Variants in SUMF1 observed in about 807,000 individuals in gnomAD.
SUMF1 encodes formylglycine-generating enzyme.
SUMF1 carries 48 observed loss-of-function variants against 47.6 expected under a neutral mutation model. The ratio of observed to expected loss-of-function variants is 1.01; its 90% CI spans 0.80 to 1.28. The LOEUF (loss-of-function observed/expected upper bound fraction) is 1.28, where lower values mean the gene tolerates loss of function less well. Among genes scored for constraint, SUMF1 ranks in the 50% most tolerant of loss-of-function variants. The pLI is 0.00. For missense variants in SUMF1, 571 were observed against 485.4 expected (o/e 1.18, Z -1.66); for synonymous variants, 230 against 192.1 (o/e 1.20, Z -1.63).
intron 3 of SUMF1, among the ~76,000 whole-genome samples, chr3:4,434,168 G>A (rs1486450450): frequency 2.6e-5 from 4 of 152,168 alleles, no homozygotes; most frequent in African/African-American, 7.2e-5. Flanking sequence ...TGTTTATAAT[G>A]ATGAAAAAGT....
chr3:4,054,436 C>G (rs898949733), intron 9 of SUMF1, among the ~76,000 whole-genome samples: 5 of 152,160 alleles, frequency 3.3e-5, no homozygotes, highest in African/African-American at 7.2e-5. Flanking sequence ...CAATCCACCA[C>G]CTTGTCAAAT....
chr3:4,272,623 A>T (rs549657125), intron 8 of SUMF1, among the ~76,000 whole-genome samples: 2 of 152,232 alleles, frequency 1.3e-5, no homozygotes, highest in Non-Finnish European at 2.9e-5. Flanking sequence ...TGTCTGCTAC[A>T]TAATTATTCT....
At chr3:4,073,993 T>A (rs1009086228) in intron 8 of SUMF1, among the ~76,000 whole-genome samples, 1 of 152,148 alleles carries the variant, frequency 6.6e-6, no homozygotes, top group Non-Finnish European at 1.5e-5. Flanking sequence ...GCGGACCTAA[T>A]AGACATCTAC....
At chr3:4,159,580 C>T (rs1270010189) in intron 8 of SUMF1, among the ~76,000 whole-genome samples, 1 of 151,910 alleles carries the variant, frequency 6.6e-6, no homozygotes, top group Non-Finnish European at 1.5e-5. Flanking sequence ...ATAGTTCATA[C>T]ACCACAATTA....
At chr3:4,411,355 G>A (rs1291040811) in intron 6 of SUMF1, among the ~76,000 whole-genome samples, 1 of 152,118 alleles carries the variant, frequency 6.6e-6, no homozygotes, top group East Asian at 1.9e-4. Context: ...GACCCAATAT[G>A]AGTCTTGTCA....
At chr3:4,352,752 A>G (rs1699530651) in intron 8 of SUMF1, among the ~76,000 whole-genome samples, 1 of 142,212 alleles carries the variant, frequency 7.0e-6, no homozygotes, top group Non-Finnish European at 1.5e-5. Context: ...AAAAAAAAAA[A>G]AAGGGTGACA....
chr3:4,369,716 C>T (rs1700111705), intron 8 of SUMF1, among the ~76,000 whole-genome samples: 1 of 152,104 alleles, frequency 6.6e-6, no homozygotes, highest in East Asian at 1.9e-4. Context: ...GTTCCTAGGC[C>T]ATACATCCAG....
chr3:4,215,784 T>C (rs910307358), intron 8 of SUMF1, among the ~76,000 whole-genome samples: 3 of 152,094 alleles, frequency 2.0e-5, no homozygotes, highest in Non-Finnish European at 4.4e-5. Context: ...TCAATTCCCG[T>C]TCACAATTGC....
chr3:4,139,555 CTT>C (rs61537834), intron 8 of SUMF1, among the ~76,000 whole-genome samples: 58,073 of 150,042 alleles, frequency 0.39, 12,295 homozygotes, highest in Non-Finnish European at 0.49. Context: ...GTATAATAAA[CTT>C]ATATATATGC....
intron 8 of SUMF1, among the ~76,000 whole-genome samples, chr3:4,192,690 G>A (rs1695345379): frequency 6.6e-6 from 1 of 152,070 alleles, no homozygotes; most frequent in African/African-American, 2.4e-5. Context: ...AACTCAGGAT[G>A]GGTCAAAGAA....
At chr3:4,330,952 G>T (rs1046286179) in intron 8 of SUMF1, among the ~76,000 whole-genome samples, 2 of 152,038 alleles carry the variant, frequency 1.3e-5, no homozygotes, top group East Asian at 3.8e-4. Context: ...GTAAAACTCT[G>T]TTATTCCAAT....
intron 7 of SUMF1, among the ~76,000 whole-genome samples, chr3:4,410,636 T>G (rs1195425645): frequency 1.3e-5 from 2 of 152,222 alleles, no homozygotes; most frequent in African/African-American, 4.8e-5. Context: ...TTTCCTCAAA[T>G]AGTTATCACC....
chr3:4,328,637 T>A (rs1002280620), intron 8 of SUMF1, among the ~76,000 whole-genome samples: 1 of 152,084 alleles, frequency 6.6e-6, no homozygotes, highest in Non-Finnish European at 1.5e-5. Context: ...ACATTGGGAT[T>A]ATTATAATTC....
intron 8 of SUMF1, among the ~76,000 whole-genome samples, chr3:4,159,166 T>C (rs1694518513): frequency 6.6e-6 from 1 of 151,352 alleles, no homozygotes; most frequent in Non-Finnish European, 1.5e-5. Context: ...TTCAGATGAC[T>C]TACTCCCGTC....
chr3:4,303,189 G>A (rs1698015905), intron 8 of SUMF1: 2 of 539,164 alleles, frequency 3.7e-6, no homozygotes, highest in African/African-American at 2.0e-5. Context: ...TGGTGCCTCT[G>A]GCTGAAATCA....
chr3:4,172,194 G>C (rs1694846399), intron 8 of SUMF1, among the ~76,000 whole-genome samples: 1 of 152,160 alleles, frequency 6.6e-6, no homozygotes, highest in Non-Finnish European at 1.5e-5. Flanking sequence ...ATACATAGAA[G>C]TTGATTGAAC....
intron 8 of SUMF1, among the ~76,000 whole-genome samples, chr3:4,217,126 G>A (rs1388804270): frequency 2.6e-5 from 4 of 151,996 alleles, no homozygotes; most frequent in South Asian, 2.1e-4. Context: ...AATGCCCATC[G>A]ATGATAGACT....
intron 8 of SUMF1, among the ~76,000 whole-genome samples, chr3:4,320,716 T>C (rs1698811681): frequency 6.6e-6 from 1 of 152,204 alleles, no homozygotes; most frequent in Non-Finnish European, 1.5e-5. Context: ...GGTGACAACT[T>C]TTAATCTCCT....
rs142936218 is a variant in SUMF1 at position 4,066,594 on chromosome 3, C to T, written c.1191+1975G>A. 1.7e-3 allele frequency among the ~76,000 whole-genome samples: 253 copies of T among 152,224 alleles called. 1 individual carries two copies. Among genetic ancestry groups the T allele is most frequent in the Admixed American group, 9.0e-3 (137 of 15,278 alleles). ...GTGAGATGCCAGACCCATTATTCCT[C>T]CTGACTGCTTCCTTACTCTTTCTTA... is the stretch of plus-strand genomic sequence containing the variant. On this transcript the variant is annotated intron_variant and NMD_transcript_variant, in intron 9 of 12. Coordinates refer to the SUMF1 transcript ENST00000448413.
Sources: allele counts gnomAD v4.1 joint callset (sites outside exome capture counted in the v4.1 genomes callset), GRCh38; gene constraint gnomAD v4.1.1; transcripts MANE v1.5; gene names NCBI Gene and HGNC (gene_info 2026-07-23, HGNC 2026-07-21).